OR51C1: variants seen among roughly 807,000 people sequenced by gnomAD.
The protein encoded by OR51C1 is olfactory receptor family 51 subfamily C member 1.
chr11:4,690,824 G>C, the OR51C1 span: 1 of 451,840 alleles, frequency 2.2e-6, no homozygotes, highest in Admixed American at 2.4e-5. Flanking sequence ...TCACACTGTA[G>C]ATGACAGGGT....
the OR51C1 span, among the ~76,000 whole-genome samples, chr11:4,694,864 AAGAATGTTAAC>A: frequency 6.6e-6 from 1 of 152,138 alleles, no homozygotes; most frequent in African/African-American, 2.4e-5. Context: ...AACTAGTTCC[AAGAATGTTAAC>A]AGAATGTATG....
At chr11:4,694,529 C>CATATATATATAT in the OR51C1 span, among the ~76,000 whole-genome samples, 4 of 137,706 alleles carry the variant, frequency 2.9e-5, no homozygotes, top group African/African-American at 5.3e-5. Context: ...TATACACACA[C>CATATATATATAT]ACATATATAC....
the OR51C1 span, among the ~76,000 whole-genome samples, chr11:4,693,385 G>C: frequency 2.0e-5 from 3 of 152,196 alleles, no homozygotes; most frequent in Non-Finnish European, 2.9e-5. Context: ...TTTTATGTAA[G>C]TTGAGACGAA....
the OR51C1 span, among the ~76,000 whole-genome samples, chr11:4,691,924 C>T: frequency 1.3e-5 from 2 of 152,048 alleles, no homozygotes; most frequent in Admixed American, 1.3e-4. Flanking sequence ...AGTGTACAAT[C>T]TTTCTTCTCT....
chr11:4,696,366 C>T, the OR51C1 span, among the ~76,000 whole-genome samples: 13 of 152,254 alleles, frequency 8.5e-5, no homozygotes, highest in African/African-American at 3.1e-4. Context: ...CACACACACA[C>T]ATGTGTGCAC....
the OR51C1 span, chr11:4,691,802 C>T: frequency 6.3e-6 from 2 of 318,060 alleles, no homozygotes; most frequent in South Asian, 2.8e-5. Context: ...GTACAGAAAA[C>T]TGATGAGTAT....
At chr11:4,691,625 G>T in the OR51C1 span, 1 of 446,780 alleles carries the variant, frequency 2.2e-6, no homozygotes, top group African/African-American at 2.0e-5. Context: ...AGATCCAGGT[G>T]TGGAAGGCTT....
the OR51C1 span, chr11:4,690,732 C>T: frequency 1.9e-5 from 7 of 375,438 alleles, no homozygotes; most frequent in Admixed American, 3.6e-5. Flanking sequence ...CTTGAGGGGT[C>T]CATCTAGTGC....
chr11:4,693,613 G>C, the OR51C1 span, among the ~76,000 whole-genome samples: 9 of 152,160 alleles, frequency 5.9e-5, no homozygotes, highest in South Asian at 1.2e-3. Flanking sequence ...TCCAGCTACT[G>C]GGGAGGCTGA....
the OR51C1 span, chr11:4,697,549 T>A: frequency 6.6e-6 from 1 of 152,604 alleles, no homozygotes; most frequent in Non-Finnish European, 1.5e-5. Context: ...CATACCAACA[T>A]CTAATCTAAT....
the OR51C1 span, among the ~76,000 whole-genome samples, chr11:4,695,682 T>C: frequency 2.5e-3 from 381 of 152,282 alleles, 2 homozygotes; most frequent in African/African-American, 8.7e-3. Context: ...CTCAGATTTG[T>C]TTTTCTCTCC....
the OR51C1 span, among the ~76,000 whole-genome samples, chr11:4,695,547 C>T: frequency 2.0e-5 from 3 of 152,160 alleles, no homozygotes; most frequent in Admixed American, 6.5e-5. Flanking sequence ...CTTTGGAGAA[C>T]AGTCTGCTTT....
At chr11:4,697,486 C>T in the OR51C1 span, among the ~76,000 whole-genome samples, 24 of 152,322 alleles carry the variant, frequency 1.6e-4, no homozygotes, top group African/African-American at 4.1e-4. Context: ...CCATTCTCTA[C>T]GTATTTCCTG....
At chr11:4,692,979 C>T in the OR51C1 span, among the ~76,000 whole-genome samples, 2 of 152,052 alleles carry the variant, frequency 1.3e-5, no homozygotes, top group African/African-American at 4.8e-5. Context: ...CTGAAATTTA[C>T]AGTAATGACA....
the OR51C1 span, among the ~76,000 whole-genome samples, chr11:4,697,420 T>C: frequency 6.6e-6 from 1 of 152,226 alleles, no homozygotes; most frequent in Non-Finnish European, 1.5e-5. Flanking sequence ...AGCACACTGA[T>C]TAAACCATTT....
chr11:4,696,051 G>A, the OR51C1 span, among the ~76,000 whole-genome samples: 2 of 152,094 alleles, frequency 1.3e-5, no homozygotes, highest in Non-Finnish European at 2.9e-5. Context: ...GGTTTTAAGC[G>A]TAAAGGTAGT....
the OR51C1 span, chr11:4,691,755 T>C: frequency 2.9e-6 from 1 of 342,018 alleles, no homozygotes; most frequent in Non-Finnish European, 5.7e-6. Context: ...AAAAGCTACA[T>C]TCATTTGTGT....
At chr11:4,696,600 T>A in the OR51C1 span, among the ~76,000 whole-genome samples, 377 of 152,280 alleles carry the variant, frequency 2.5e-3, 2 homozygotes, top group African/African-American at 8.6e-3. Flanking sequence ...CTAATGAATA[T>A]CCTTAGAAGG....
chr11:4,692,101 C>T, the OR51C1 span: 1 of 431,674 alleles, frequency 2.3e-6, no homozygotes, highest in South Asian at 1.7e-5. Flanking sequence ...ATTATTTTTC[C>T]TCTATGGTTG....
Sources: gnomAD v4.1 joint callset for allele counts (sites outside exome capture counted in the v4.1 genomes callset) on GRCh38, gnomAD v4.1.1 for gene constraint, MANE v1.5 for transcripts, NCBI Gene and HGNC (gene_info 2026-07-23, HGNC 2026-07-21) for gene names.